NR2C2: variants seen among roughly 807,000 people sequenced by gnomAD.
The protein encoded by NR2C2 is Nuclear hormone receptor TR4.
A neutral mutation model predicts 62.9 loss-of-function variants in NR2C2; 6 were observed. The ratio of observed to expected loss-of-function variants is 0.10; its 90% CI spans 0.05 to 0.19. The LOEUF is 0.19. Among genes scored for constraint, NR2C2 ranks in the 10% least tolerant of loss-of-function variants. NR2C2 has a pLI of 1.00. For missense variants in NR2C2, 479 were observed against 762.7 expected, an observed-to-expected ratio of 0.63 and a Z score of 4.38; for synonymous variants, 272 against 273.8, an observed-to-expected ratio of 0.99 and a Z score of 0.07.
chr3:14,968,391 C>T (rs62241833), intron 1 of NR2C2, among the ~76,000 whole-genome samples: 1 of 152,046 alleles, frequency 6.6e-6, no homozygotes, highest in African/African-American at 2.4e-5. Flanking sequence ...AAAATGCTCA[C>T]CATCACTGGT....
At chr3:14,990,431 A>G (rs2040636934) in intron 1 of NR2C2, among the ~76,000 whole-genome samples, 1 of 152,258 alleles carries the variant, frequency 6.6e-6, no homozygotes, top group African/African-American at 2.4e-5. Context: ...GCAAAACAGC[A>G]GGAACATGTC....
At chr3:15,006,921 A>G (rs1460496823) in intron 2 of NR2C2, among the ~76,000 whole-genome samples, 4 of 151,174 alleles carry the variant, frequency 2.6e-5, no homozygotes, top group East Asian at 2.0e-4. Context: ...GATTACAGAC[A>G]TGCGCCACCA....
At chr3:15,003,263 TATCA>T (rs2041074278) in intron 1 of NR2C2, among the ~76,000 whole-genome samples, 1 of 152,096 alleles carries the variant, frequency 6.6e-6, no homozygotes, top group Non-Finnish European at 1.5e-5. Flanking sequence ...ATACACTTTC[TATCA>T]AGAAAAAATA....
At chr3:14,963,059 G>A (rs2125253549) in intron 1 of NR2C2, among the ~76,000 whole-genome samples, 1 of 152,316 alleles carries the variant, frequency 6.6e-6, no homozygotes, top group African/African-American at 2.4e-5. Context: ...GTAAGCATTT[G>A]TCAGACCCAA....
rs1230138182 is a variant in NR2C2, at chr3:15,044,925, T to C, written c.*1917T>C. ...TTCTAAATTCTTGTTTGGATTTAAT[T>C]ATATCATTTTATAATTCTTGCCTTG... On this transcript the variant is annotated 3_prime_UTR_variant, in exon 14 of 14. Transcript: ENST00000425241. 1 of 152,228 alleles carries C rather than the reference T, an allele frequency of 6.6e-6. No individual in the cohort carries two copies. The highest frequency in any genetic ancestry group is 1.5e-5 in the Non-Finnish European group (1 of 68,042). The allele number at this position is 152,228 out of a possible 1,614,324, so 9.4% of individuals were successfully genotyped here. A position where few individuals can be genotyped will look rare whatever the true frequency, so the allele number is the denominator to read the frequency against.
At position 15,010,711 on chromosome 3, in the gene NR2C2, C is replaced by CAA. The variant is rs541686657; in HGVS notation, c.73-2862_73-2861dup. Reference sequence around the variant, plus strand: ...TGGGTAACAGAACAAGACCCTGTCTCAAAAAAAAAAAAAAAAATTCTGAGC... The same window carrying CAA: ...TGGGTAACAGAACAAGACCCTGTCTCAAAAAAAAAAAAAAAAAAATTCTGAGC... On this transcript the variant is annotated intron_variant, in intron 2 of 13. Coordinates refer to ENST00000425241, the MANE Select transcript of NR2C2 (RefSeq NM_001291694.2). Among the ~76,000 whole-genome samples, 303 of 126,092 alleles carry CAA rather than the reference C, an allele frequency of 2.4e-3. 1 individual carries two copies. The highest frequency in any genetic ancestry group is 7.8e-3 in the African/African-American group (274 of 35,184). The allele number at this position is 126,092 out of a possible 152,430, so 82.7% of individuals were successfully genotyped here.
intron 7 of NR2C2, among the ~76,000 whole-genome samples, chr3:15,024,631 T>C (rs1198417095): frequency 2.0e-5 from 3 of 152,212 alleles, no homozygotes; most frequent in Non-Finnish European, 4.4e-5. Flanking sequence ...TCCAAAACTT[T>C]GCTAGAGCAG....
At chr3:14,976,602 CTTTTTT>C (rs533538010) in intron 1 of NR2C2, among the ~76,000 whole-genome samples, 8 of 90,740 alleles carry the variant, frequency 8.8e-5, no homozygotes, top group African/African-American at 4.1e-4. Context: ...TCCTTCCTTC[CTTTTTT>C]TTTTTTTTTT....
chr3:14,949,427 A>G (rs924253213), intron 1 of NR2C2, among the ~76,000 whole-genome samples: 2 of 152,210 alleles, frequency 1.3e-5, no homozygotes, highest in Non-Finnish European at 2.9e-5. Flanking sequence ...TTGTGGCTGG[A>G]GAGTTGGTTG....
rs541982061 is a variant in NR2C2, at chr3:15,023,439, C to T, written c.704+92C>T. The T allele has an allele frequency of 1.8e-3, 2,529 of 1,400,236 alleles. 29 individuals are homozygous for T. In the South Asian group the frequency reaches 0.021, roughly 12 times the overall value. The allele number at this position is 1,400,236 out of a possible 1,614,324, so 86.7% of individuals were successfully genotyped here. ...AGCAGGCACTGTTGTGGCTTCCCAC[C>T]CATCTGCCATAGCCTCCAGCGTTGT... On this transcript the variant is annotated intron_variant, in intron 6 of 13. Transcript: ENST00000425241.
intron 1 of NR2C2, among the ~76,000 whole-genome samples, chr3:14,957,247 C>G (rs558736432): frequency 6.6e-6 from 1 of 151,778 alleles, no homozygotes; most frequent in African/African-American, 2.4e-5. Context: ...GGAAAGGCAG[C>G]CTCACTCATT....
chr3:15,038,183 A>C lies in NR2C2; in HGVS notation c.1510+46A>C, dbSNP rs752343619. 11 of 1,554,154 alleles carry C rather than the reference A, an allele frequency of 7.1e-6. No individual in the cohort carries two copies. The Admixed American group carries it at 2.1e-4, about 30-fold the overall frequency. ...GCATGACCCCTTTCCACCTGTATCTACTGATGTTTCTGAACGTGAACATGT... is the reference window on the plus strand; with the variant it reads ...GCATGACCCCTTTCCACCTGTATCTCCTGATGTTTCTGAACGTGAACATGT... On this transcript the variant is annotated intron_variant, in intron 12 of 13. Coordinates refer to ENST00000425241, the MANE Select transcript of NR2C2 (RefSeq NM_001291694.2).
At chr3:15,030,513 A>AGCC in intron 9 of NR2C2, 61 bp downstream of exon 9, 1 of 1,462,044 alleles carries the variant, frequency 6.8e-7, no homozygotes, top group Non-Finnish European at 9.1e-7. Context: ...TCTGTACCAA[A>AGCC]GCCGATCTGC....
chr3:14,949,736 G>A (rs190277774), intron 1 of NR2C2, among the ~76,000 whole-genome samples: 140 of 152,128 alleles, frequency 9.2e-4, no homozygotes, highest in African/African-American at 3.0e-3. Context: ...TAAGACACTG[G>A]TCCTCAAACA....
At chr3:14,948,198 C>G (rs1281224908) in intron 1 of NR2C2, 1 of 152,766 alleles carries the variant, frequency 6.5e-6, no homozygotes, top group African/African-American at 2.4e-5. Flanking sequence ...TCCGCCAGCG[C>G]CGCCATTTTG....
chr3:14,954,524 C>T (rs1376504389), intron 1 of NR2C2, among the ~76,000 whole-genome samples: 5 of 152,096 alleles, frequency 3.3e-5, no homozygotes, highest in African/African-American at 1.2e-4. Flanking sequence ...TGGGCATAGT[C>T]GTACATTAGA....
rs537401183 is a variant in NR2C2, at chr3:14,968,237, C to A, written c.-40+20331C>A. ...TGGGAGAAAATTTTCGCAACCTGCT[C>A]ATCTGACAAAGGGCTAATATCCAGA... is the stretch of plus-strand genomic sequence containing the variant. On this transcript the variant is annotated intron_variant, in intron 1 of 13. Coordinates refer to ENST00000425241, the MANE Select transcript of NR2C2 (RefSeq NM_001291694.2). Among the ~76,000 whole-genome samples, 6 of 152,266 alleles carry A rather than the reference C, an allele frequency of 3.9e-5. No individual in the cohort carries two copies. The South Asian group carries it at 6.2e-4, about 16-fold the overall frequency.
At chr3:15,016,309 C>T in intron 4 of NR2C2, 55 bp downstream of exon 4, 1 of 1,313,948 alleles carries the variant, frequency 7.6e-7, no homozygotes, top group South Asian at 1.2e-5. Context: ...CATGAAGTAA[C>T]TGTTGTGAGG....
chr3:14,957,025 A>G (rs1024789746), intron 1 of NR2C2, among the ~76,000 whole-genome samples: 3 of 152,234 alleles, frequency 2.0e-5, no homozygotes, highest in Admixed American at 6.5e-5. Context: ...TTGCATTTCT[A>G]TGTCCCAAGC....
Sources: allele counts gnomAD v4.1 joint callset (sites outside exome capture counted in the v4.1 genomes callset), GRCh38; gene constraint gnomAD v4.1.1; transcripts MANE v1.5; gene names NCBI Gene and HGNC (gene_info 2026-07-23, HGNC 2026-07-21).